Variants in TBL1XR1 observed in about 807,000 individuals in gnomAD.
TBL1XR1 encodes F-box-like/WD repeat-containing protein TBL1XR1.
In TBL1XR1, 5 loss-of-function variants were observed where a neutral mutation model predicts 66.9. The ratio of observed to expected loss-of-function variants is 0.07; its 90% CI spans 0.04 to 0.16. The LOEUF (loss-of-function observed/expected upper bound fraction) is 0.16. Among genes scored for constraint, TBL1XR1 ranks in the 10% least tolerant of loss-of-function variants. TBL1XR1 has a pLI of 1.00. For missense variants in TBL1XR1, 238 were observed against 623.2 expected (o/e 0.38, Z 6.58); for synonymous variants, 210 against 206.0 (o/e 1.02, Z -0.17).
At chr3:177,141,257 A>G (rs144138764) in intron 1 of TBL1XR1, among the ~76,000 whole-genome samples, 7 of 152,308 alleles carry the variant, frequency 4.6e-5, no homozygotes, top group African/African-American at 1.7e-4. Flanking sequence ...ATTCTATCCT[A>G]TTTGGAGATT....
intron 3 of TBL1XR1, among the ~76,000 whole-genome samples, chr3:177,060,988 G>C (rs991520707): frequency 6.6e-5 from 10 of 152,204 alleles, no homozygotes; most frequent in Non-Finnish European, 1.0e-4. Flanking sequence ...AATATTTGTT[G>C]AATAGGGAAG....
intron 3 of TBL1XR1, among the ~76,000 whole-genome samples, chr3:177,060,222 AC>A (rs1239139707): frequency 6.6e-6 from 1 of 152,140 alleles, no homozygotes; most frequent in Non-Finnish European, 1.5e-5. Flanking sequence ...CCTATTAGTT[AC>A]GTCCCTCAAG....
intron 1 of TBL1XR1, among the ~76,000 whole-genome samples, chr3:177,173,772 T>G (rs1230239952): frequency 6.6e-6 from 1 of 152,202 alleles, no homozygotes; most frequent in African/African-American, 2.4e-5. Context: ...TACACCATGG[T>G]TAGGTAAGAC....
chr3:177,159,015 C>T (rs376422335), intron 1 of TBL1XR1, among the ~76,000 whole-genome samples: 3 of 152,134 alleles, frequency 2.0e-5, no homozygotes, highest in Middle Eastern at 6.8e-3. Context: ...ATTCAAAGAG[C>T]CTCAATGTAG....
chr3:177,153,602 T>C (rs565443646), intron 1 of TBL1XR1, among the ~76,000 whole-genome samples: 1 of 152,194 alleles, frequency 6.6e-6, no homozygotes, highest in South Asian at 2.1e-4. Context: ...AAGTATGCAA[T>C]AAAGGCCAGG....
chr3:177,097,469 C>T (rs1024182696), intron 2 of TBL1XR1, among the ~76,000 whole-genome samples: 9 of 152,036 alleles, frequency 5.9e-5, no homozygotes, highest in African/African-American at 1.9e-4. Flanking sequence ...AATTCCATCA[C>T]CTAAGTTTTA....
At chr3:177,117,541 C>T (rs1170579236) in intron 1 of TBL1XR1, among the ~76,000 whole-genome samples, 4 of 152,064 alleles carry the variant, frequency 2.6e-5, no homozygotes, top group African/African-American at 9.7e-5. Flanking sequence ...TCCCATTCAG[C>T]GTAGTTCCTT....
At chr3:177,058,792 TTC>T (rs1394412002) in intron 3 of TBL1XR1, among the ~76,000 whole-genome samples, 27 of 152,236 alleles carry the variant, frequency 1.8e-4, no homozygotes, top group Non-Finnish European at 3.4e-4. Context: ...ATTGAACAAA[TTC>T]TCTGTTTGGC....
intron 10 of TBL1XR1, 37 bp downstream of exon 10, chr3:177,046,092 C>A: frequency 6.8e-7 from 1 of 1,472,118 alleles, no homozygotes; most frequent in Admixed American, 2.6e-5. Flanking sequence ...AAAACAGAAG[C>A]AAGCTCCAGC....
At chr3:177,130,593 T>TG (rs1414178543) in intron 1 of TBL1XR1, among the ~76,000 whole-genome samples, 1 of 152,126 alleles carries the variant, frequency 6.6e-6, no homozygotes, top group Non-Finnish European at 1.5e-5. Flanking sequence ...TCCAGAGAGG[T>TG]GAACCAAGTG....
At chr3:177,158,503 C>T (rs992144288) in intron 1 of TBL1XR1, among the ~76,000 whole-genome samples, 2 of 151,952 alleles carry the variant, frequency 1.3e-5, no homozygotes, top group African/African-American at 2.4e-5. Flanking sequence ...CTGGGATTAC[C>T]GGCGTGAACC....
chr3:177,038,540 T>TA, intron 10 of TBL1XR1, 106 bp from the exon 11 acceptor site: 1 of 1,096,994 alleles, frequency 9.1e-7, no homozygotes, highest in Admixed American at 3.4e-5. Flanking sequence ...AACAGGCACT[T>TA]AAACATTTTA....
At chr3:177,119,040 C>A (rs181790076) in intron 1 of TBL1XR1, among the ~76,000 whole-genome samples, 3 of 152,116 alleles carry the variant, frequency 2.0e-5, no homozygotes, top group African/African-American at 7.2e-5. Flanking sequence ...GGCATGATCT[C>A]GGTTCACTGT....
intron 1 of TBL1XR1, among the ~76,000 whole-genome samples, chr3:177,184,193 A>G (rs1735145843): frequency 6.6e-6 from 1 of 152,212 alleles, no homozygotes; most frequent in African/African-American, 2.4e-5. Context: ...TGCAAATGAC[A>G]CCAACTGCAA....
chr3:177,078,121 AT>A (rs1720915747), intron 2 of TBL1XR1, among the ~76,000 whole-genome samples: 1 of 152,220 alleles, frequency 6.6e-6, no homozygotes, highest in Non-Finnish European at 1.5e-5. Context: ...CTACCAAATT[AT>A]AAGCATTTAA....
intron 1 of TBL1XR1, among the ~76,000 whole-genome samples, chr3:177,146,583 C>A (rs771171291): frequency 4.3e-5 from 1 of 23,278 alleles, no homozygotes; most frequent in Non-Finnish European, 1.0e-4. Flanking sequence ...GAGCGAGACT[C>A]CATCTCAAAA....
chr3:177,132,912 T>TCA (rs2108791995), intron 1 of TBL1XR1, among the ~76,000 whole-genome samples: 1 of 152,288 alleles, frequency 6.6e-6, no homozygotes, highest in South Asian at 2.1e-4. Flanking sequence ...ACACCGCCCT[T>TCA]CACCCTCACC....
chr3:177,177,606 C>T (rs955799004), intron 1 of TBL1XR1, among the ~76,000 whole-genome samples: 1 of 151,978 alleles, frequency 6.6e-6, no homozygotes, highest in Non-Finnish European at 1.5e-5. Flanking sequence ...CACATATGTC[C>T]CTGGGCTTCC....
chr3:177,172,896 G>C (rs2108934113), intron 1 of TBL1XR1, among the ~76,000 whole-genome samples: 1 of 152,234 alleles, frequency 6.6e-6, no homozygotes, highest in East Asian at 1.9e-4. Flanking sequence ...TCTTTGGCCA[G>C]GCGCGGTGGC....
Sources: allele counts gnomAD v4.1 joint callset (sites outside exome capture counted in the v4.1 genomes callset), GRCh38; gene constraint gnomAD v4.1.1; transcripts MANE v1.5; gene names NCBI Gene and HGNC (gene_info 2026-07-23, HGNC 2026-07-21).